CLEC2A: variants seen among roughly 807,000 people sequenced by gnomAD.
CLEC2A encodes keratinocyte-associated C-type lectin.
Under a neutral mutation model 18.6 loss-of-function variants are expected in CLEC2A, and 19 were observed. The observed-to-expected ratio is 1.02, with a 90% CI of 0.71 to 1.50. The LOEUF is 1.50. CLEC2A is among the 40% of genes most tolerant of loss of function. The pLI, the probability that CLEC2A is intolerant of heterozygous loss-of-function variation, is 0.00. For missense variants in CLEC2A, 190 were observed against 207.9 expected (o/e 0.91, Z 0.53); for synonymous variants, 74 against 64.0 (o/e 1.16, Z -0.75).
downstream of CLEC2A, among the ~76,000 whole-genome samples, chr12:9,912,348 G>T (rs1296441250): frequency 6.6e-6 from 1 of 152,092 alleles, no homozygotes; most frequent in Admixed American, 6.5e-5. Flanking sequence ...GAGGCAGAGT[G>T]AGGAGACCCC....
At chr12:9,885,738 A>AT in the CLEC2A span, among the ~76,000 whole-genome samples, 1 of 152,000 alleles carries the variant, frequency 6.6e-6, no homozygotes, top group African/African-American at 2.4e-5. Context: ...TACTTAATGT[A>AT]TTTTTTCTCT....
chr12:9,885,786 C>T, the CLEC2A span, among the ~76,000 whole-genome samples: 6 of 152,116 alleles, frequency 3.9e-5, no homozygotes, highest in African/African-American at 1.4e-4. Context: ...TTCAATGCAA[C>T]ATTGAAATCA....
At position 9,929,192 on chromosome 12, in the gene CLEC2A, C is replaced by A. The variant is rs942609253; in HGVS notation, c.56-2849G>T. On this transcript the variant is annotated intron_variant, in intron 1 of 4. Transcript: ENST00000455827. ...CTATTGGTATTTATTTTTATATAAT[C>A]AAATTATCTGAAAATATTGCAGATA... Among the ~76,000 whole-genome samples, 177 of 152,164 alleles carry A rather than the reference C, an allele frequency of 1.2e-3. 3 individuals carry two copies. Among genetic ancestry groups the A allele is most frequent in the African/African-American group, 4.1e-3 (172 of 41,530 alleles).
Position 9,922,131 on chromosome 12 carries a change from C to T in CLEC2A, c.241G>A (p.Ala81Thr). Residue 81 changes from alanine to threonine, a missense_variant, in exon 3 of 5, where the codon GCC becomes ACC. Coordinates refer to ENST00000455827, the MANE Select transcript of CLEC2A (RefSeq NM_001130711.2). The part of the protein sequence containing the change: ...YFSDDTRNWT[A>T]SKIFCSLQKA... ...TGCAAACTACAAAATATTTTACTGG[C>T]TGTCCAATTTCTGGTATCATCAGAA... 1.3e-6 allele frequency: 2 copies of T among 1,551,064 alleles called. No individual in the cohort carries two copies. Among genetic ancestry groups the T allele is most frequent in the Non-Finnish European group, 1.7e-6 (2 of 1,146,648 alleles).
At chr12:9,887,465 T>C in the CLEC2A span, among the ~76,000 whole-genome samples, 1 of 152,230 alleles carries the variant, frequency 6.6e-6, no homozygotes, top group African/African-American at 2.4e-5. Context: ...ATCTTGATTT[T>C]AACTTAGATT....
chr12:9,882,138 C>T, the CLEC2A span, among the ~76,000 whole-genome samples: 3 of 152,078 alleles, frequency 2.0e-5, no homozygotes, highest in Admixed American at 6.5e-5. Flanking sequence ...TTAATCTTTG[C>T]TCCTTAGGGC....
downstream of CLEC2A, among the ~76,000 whole-genome samples, chr12:9,910,597 C>T (rs955994046): frequency 1.3e-5 from 2 of 152,342 alleles, no homozygotes; most frequent in African/African-American, 4.8e-5. Flanking sequence ...TCACTCAGCA[C>T]AGTAGTAGTG....
intron 2 of CLEC2A, 103 bp downstream of exon 2, chr12:9,926,157 C>G (rs1415681971): frequency 7.4e-6 from 5 of 676,390 alleles, no homozygotes; most frequent in East Asian, 2.9e-5. Flanking sequence ...CTATAAAACC[C>G]TTTAATCACT....
At chr12:9,885,038 T>C in the CLEC2A span, 2 of 1,122,438 alleles carry the variant, frequency 1.8e-6, no homozygotes, top group Non-Finnish European at 2.3e-6. Context: ...CTGGCGTGAG[T>C]AGTAAATTTT....
At chr12:9,911,691 G>A (rs369536395), downstream of CLEC2A, among the ~76,000 whole-genome samples, 1 of 152,104 alleles carries the variant, frequency 6.6e-6, no homozygotes, top group Non-Finnish European at 1.5e-5. Context: ...CTTGATCCAA[G>A]CACTTTTCTT....
At chr12:9,909,310 G>T (rs1210513635), downstream of CLEC2A, among the ~76,000 whole-genome samples, 6 of 152,260 alleles carry the variant, frequency 3.9e-5, no homozygotes, top group African/African-American at 1.4e-4. Flanking sequence ...TGTTGTTATT[G>T]TCCCACCAGG....
the CLEC2A span, among the ~76,000 whole-genome samples, chr12:9,886,756 T>C: frequency 1.8e-5 from 2 of 108,416 alleles, no homozygotes; most frequent in African/African-American, 6.8e-5. Context: ...TTTGCCCCTA[T>C]ATCATGCAAA....
At chr12:9,918,351 A>G (rs1565532409) in intron 3 of CLEC2A, among the ~76,000 whole-genome samples, 1 of 152,194 alleles carries the variant, frequency 6.6e-6, no homozygotes, top group Non-Finnish European at 1.5e-5. Context: ...TTGATTAAAT[A>G]TGGAGTTCTT....
chr12:9,918,754 A>G (rs1279884094), intron 3 of CLEC2A, among the ~76,000 whole-genome samples: 1 of 152,144 alleles, frequency 6.6e-6, no homozygotes, highest in East Asian at 1.9e-4. Flanking sequence ...GTTGTTTGGA[A>G]AACATATGAC....
At chr12:9,903,008 T>A (rs891961356) in intron 4 of CLEC2A, among the ~76,000 whole-genome samples, 3 of 151,984 alleles carry the variant, frequency 2.0e-5, no homozygotes, top group Non-Finnish European at 2.9e-5. Flanking sequence ...GAATGTAGAG[T>A]GAGGCTGAGA....
chr12:9,921,069 G>A (rs1406589068), intron 3 of CLEC2A, among the ~76,000 whole-genome samples: 2 of 152,158 alleles, frequency 1.3e-5, no homozygotes, highest in African/African-American at 4.8e-5. Context: ...TGTGTCATTG[G>A]CTGGGTTACA....
chr12:9,892,903 C>CCA, the CLEC2A span: 4 of 775,314 alleles, frequency 5.2e-6, no homozygotes, highest in Non-Finnish European at 7.6e-6. Flanking sequence ...TTTTATTGAC[C>CCA]AAAAAAAAAA....
At chr12:9,882,706 G>A in the CLEC2A span, among the ~76,000 whole-genome samples, 5 of 152,156 alleles carry the variant, frequency 3.3e-5, no homozygotes, top group South Asian at 8.3e-4. Context: ...GCTTGAACCC[G>A]GGAGACGGAG....
At chr12:9,892,916 A>AAT in the CLEC2A span, 2 of 1,064,354 alleles carry the variant, frequency 1.9e-6, no homozygotes, top group Non-Finnish European at 1.3e-6. Context: ...AAAAAAAAAA[A>AAT]TGAGTTGGAA....
Sources: gnomAD v4.1 joint callset for allele counts (sites outside exome capture counted in the v4.1 genomes callset) on GRCh38, gnomAD v4.1.1 for gene constraint, MANE v1.5 for transcripts, NCBI Gene and HGNC (gene_info 2026-07-23, HGNC 2026-07-21) for gene names.